The following ZNF385D variants were observed in gnomAD, a reference collection of about 807,000 sequenced individuals.
The protein encoded by ZNF385D is zinc finger protein 659.
Under a neutral mutation model 35.8 loss-of-function variants are expected in ZNF385D, and 15 were observed. The observed-to-expected ratio is 0.42, with a 90% CI of 0.28 to 0.64. The LOEUF (loss-of-function observed/expected upper bound fraction) is 0.64. ZNF385D is among the 30% of genes least tolerant of loss of function. ZNF385D has a pLI of 0.23. For synonymous variants in ZNF385D, 212 were observed against 186.8 expected, an observed-to-expected ratio of 1.13 and a Z score of -1.10; for missense variants, 474 against 494.6, an observed-to-expected ratio of 0.96 and a Z score of 0.39.
At chr3:22,269,698 A>T (rs1263448820) in intron 2 of ZNF385D, among the ~76,000 whole-genome samples, 2 of 151,878 alleles carry the variant, frequency 1.3e-5, no homozygotes, top group African/African-American at 4.8e-5. Flanking sequence ...TACAAAATAT[A>T]ATTGATCATT....
intron 3 of ZNF385D, among the ~76,000 whole-genome samples, chr3:21,884,064 G>C (rs987203298): frequency 6.6e-5 from 10 of 152,022 alleles, no homozygotes; most frequent in African/African-American, 2.4e-4. Context: ...TATAAATGCG[G>C]ATGGTTTGCA....
At chr3:21,448,123 C>A (rs1375625491) in intron 4 of ZNF385D, among the ~76,000 whole-genome samples, 1 of 151,986 alleles carries the variant, frequency 6.6e-6, no homozygotes, top group Non-Finnish European at 1.5e-5. Flanking sequence ...ATGCACTTGC[C>A]ACAACACATT....
intron 3 of ZNF385D, among the ~76,000 whole-genome samples, chr3:21,787,401 T>C (rs2071734909): frequency 6.6e-6 from 1 of 152,140 alleles, no homozygotes; most frequent in Admixed American, 6.5e-5. Context: ...CAAAAATAGA[T>C]GTATTTAGTT....
chr3:21,629,962 TATA>T (rs2125832761), intron 2 of ZNF385D, among the ~76,000 whole-genome samples: 1 of 152,160 alleles, frequency 6.6e-6, no homozygotes, highest in African/African-American at 2.4e-5. Flanking sequence ...TCACTGTATT[TATA>T]ATAATTTCTC....
In ZNF385D at chr3:21,608,012, C is replaced by CTTTTTTTTTTTTTTTTTTT. The variant is rs368555930; in HGVS notation, c.166-43329_166-43328insAAAAAAAAAAAAAAAAAAA. Among the ~76,000 whole-genome samples the CTTTTTTTTTTTTTTTTTTT allele has an allele frequency of 7.3e-5, 9 of 123,966 alleles. 1 individual carries two copies. The highest frequency in any genetic ancestry group is 2.8e-4 in the African/African-American group (9 of 31,998). 81.3% of individuals were successfully genotyped at this position (123,966 alleles called of 152,430 possible). Reference sequence around the variant, plus strand: ...ATGAAAAGATGTAATTCTTTTTCTTCTTTTTTTTTTGTTTTTTTTTTTTGA... The same window carrying CTTTTTTTTTTTTTTTTTTT: ...ATGAAAAGATGTAATTCTTTTTCTTCTTTTTTTTTTTTTTTTTTTTTTTTTTTTTGTTTTTTTTTTTTGA... On this transcript the variant is annotated intron_variant, in intron 2 of 7. Transcript: ENST00000281523.
At chr3:21,449,737 C>T (rs1702351529) in intron 4 of ZNF385D, among the ~76,000 whole-genome samples, 1 of 152,164 alleles carries the variant, frequency 6.6e-6, no homozygotes, top group Admixed American at 6.5e-5. Flanking sequence ...AAATGTTTCT[C>T]TAGCAATGAA....
intron 3 of ZNF385D, among the ~76,000 whole-genome samples, chr3:21,551,629 G>T (rs2062572035): frequency 6.6e-6 from 1 of 152,010 alleles, no homozygotes; most frequent in South Asian, 2.1e-4. Context: ...AGGTCACATG[G>T]TAATTTATGC....
At chr3:21,705,906 C>G (rs73138891) in intron 1 of ZNF385D, among the ~76,000 whole-genome samples, 31 of 152,310 alleles carry the variant, frequency 2.0e-4, no homozygotes, top group African/African-American at 7.0e-4. Flanking sequence ...ACACCAAGCT[C>G]TGGTTGCCAA....
intron 3 of ZNF385D, among the ~76,000 whole-genome samples, chr3:22,147,685 C>CCT (rs1704948455): frequency 1.3e-5 from 2 of 152,162 alleles, no homozygotes; most frequent in South Asian, 4.1e-4. Flanking sequence ...GTCAAGGATA[C>CCT]TGAGGCCCAA....
chr3:22,350,644 T>C (rs1297120204), intron 2 of ZNF385D, among the ~76,000 whole-genome samples: 2 of 152,162 alleles, frequency 1.3e-5, no homozygotes, highest in South Asian at 2.1e-4. Context: ...AAGATAAGCA[T>C]ATACTCAAGT....
At chr3:22,011,258 G>A (rs777110928) in intron 3 of ZNF385D, among the ~76,000 whole-genome samples, 1 of 152,066 alleles carries the variant, frequency 6.6e-6, no homozygotes, top group African/African-American at 2.4e-5. Flanking sequence ...ACTATGGATA[G>A]ATGGTTATTT....
intron 3 of ZNF385D, among the ~76,000 whole-genome samples, chr3:21,527,287 C>T (rs574303646): frequency 2.2e-4 from 34 of 152,202 alleles, no homozygotes; most frequent in Admixed American, 1.5e-3. Flanking sequence ...CTTCATTTGA[C>T]GAAGATTTCT....
At chr3:21,855,195 C>T (rs1036508988) in intron 3 of ZNF385D, among the ~76,000 whole-genome samples, 2 of 152,000 alleles carry the variant, frequency 1.3e-5, no homozygotes, top group Non-Finnish European at 2.9e-5. Flanking sequence ...TCTGAGAAAT[C>T]GCTAGCAATC....
At chr3:21,857,457 C>T (rs576152270) in intron 3 of ZNF385D, among the ~76,000 whole-genome samples, 8 of 152,020 alleles carry the variant, frequency 5.3e-5, no homozygotes, top group African/African-American at 1.4e-4. Flanking sequence ...GCTGTTCCTA[C>T]AGGGAGTACA....
intron 3 of ZNF385D, among the ~76,000 whole-genome samples, chr3:22,155,891 C>T (rs1705552063): frequency 1.3e-5 from 2 of 151,982 alleles, no homozygotes; most frequent in African/African-American, 2.4e-5. Context: ...GTAAATTACA[C>T]ATAAGGAAAG....
intron 3 of ZNF385D, among the ~76,000 whole-genome samples, chr3:22,093,267 A>G (rs1044890162): frequency 6.6e-6 from 1 of 152,066 alleles, no homozygotes; most frequent in African/African-American, 2.4e-5. Context: ...TAAACCCAAC[A>G]TCTAAAACTT....
At chr3:21,807,771 T>C (rs536187920) in intron 3 of ZNF385D, among the ~76,000 whole-genome samples, 5 of 152,312 alleles carry the variant, frequency 3.3e-5, no homozygotes, top group African/African-American at 1.2e-4. Flanking sequence ...ACTTCTATTT[T>C]TCAATGGCAT....
chr3:22,065,796 G>T (rs958831990), intron 3 of ZNF385D, among the ~76,000 whole-genome samples: 1 of 152,104 alleles, frequency 6.6e-6, no homozygotes, highest in Non-Finnish European at 1.5e-5. Context: ...GCCACAAATT[G>T]TGTAAGTCAT....
Position 21,612,816 on chromosome 3 carries a change from CT to C in ZNF385D, c.166-48133del, listed in dbSNP as rs899038487. On this transcript the variant is annotated intron_variant, in intron 2 of 7. Coordinates refer to ENST00000281523, the MANE Select transcript of ZNF385D (RefSeq NM_024697.3). The stretch of plus-strand genomic sequence containing the variant: ...ATAAAAGGTGACACTTACCTTTGCT[CT>C]TTTTTTTCACAAAGCAGTTGCTGAG... Among the ~76,000 whole-genome samples the C allele has an allele frequency of 6.6e-5, 10 of 151,920 alleles. No individual in the cohort carries two copies. The South Asian group carries it at 1.5e-3, about 22-fold the overall frequency.
Sources: gnomAD v4.1 joint callset for allele counts (sites outside exome capture counted in the v4.1 genomes callset) on GRCh38, gnomAD v4.1.1 for gene constraint, MANE v1.5 for transcripts, NCBI Gene and HGNC (gene_info 2026-07-23, HGNC 2026-07-21) for gene names.